PCDHA10: variants seen among roughly 807,000 people sequenced by gnomAD.
PCDHA10 encodes the protein protocadherin alpha-10.
A neutral mutation model predicts 61.2 loss-of-function variants in PCDHA10; 45 were observed. The observed-to-expected ratio is 0.74, with a 90% confidence interval of 0.58 to 0.94. PCDHA10 has a LOEUF of 0.94. PCDHA10 is among the 40% of genes least tolerant of loss of function. The probability of loss-of-function intolerance (pLI) is 0.00; values close to 1 mark genes in which losing one functional copy is unlikely to be tolerated. For missense variants in PCDHA10, 1,278 were observed against 1,236.2 expected (o/e 1.03, Z -0.51); for synonymous variants, 602 against 548.8 (o/e 1.10, Z -1.35).
At chr5:140,892,950 C>G (rs553307667) in intron 1 of PCDHA10, among the ~76,000 whole-genome samples, 21 of 152,188 alleles carry the variant, frequency 1.4e-4, no homozygotes, top group Non-Finnish European at 2.9e-4. Context: ...AATACTACTT[C>G]CATGAGCTCA....
At chr5:140,927,638 G>C (rs781909639) in intron 1 of PCDHA10, 1 of 1,614,024 alleles carries the variant, frequency 6.2e-7, no homozygotes, top group Admixed American at 1.7e-5. Flanking sequence ...GCACCCAATG[G>C]GACTGTGTTA....
chr5:140,869,144 T>A, intron 1 of PCDHA10: 1 of 1,613,654 alleles, frequency 6.2e-7, no homozygotes, highest in Non-Finnish European at 8.5e-7. Context: ...ACCCCACGAC[T>A]ACAGCTCTGG....
chr5:140,871,247 T>C (rs1340682715), intron 1 of PCDHA10: 1 of 1,613,990 alleles, frequency 6.2e-7, no homozygotes, highest in Non-Finnish European at 8.5e-7. Context: ...CTCACGCTGC[T>C]GCTGTATACG....
rs782644684 is a variant in PCDHA10 at position 140,870,861 on chromosome 5, G to C, written c.2388+12425G>C. The C allele has an allele frequency of 1.9e-6, 3 of 1,613,770 alleles. No individual in the cohort carries two copies. The African/African-American group carries it at 4.0e-5, about 22-fold the overall frequency. ...AGCTAGTACCGCGGTCGGTGGGTGC[G>C]GGCCACGTGGTGGCGAAGGTGCGCG... On this transcript the variant is annotated intron_variant, in intron 1 of 3. Coordinates refer to ENST00000307360, the MANE Select transcript of PCDHA10 (RefSeq NM_018901.4).
At position 140,915,045 on chromosome 5, in the gene PCDHA10, A is replaced by G. The variant is rs989835419; in HGVS notation, c.2388+56609A>G. 2.0e-5 allele frequency among the ~76,000 whole-genome samples: 3 copies of G among 151,216 alleles called. No homozygotes were observed. In the East Asian group the frequency reaches 5.8e-4, roughly 29 times the overall value. On this transcript the variant is annotated intron_variant, in intron 1 of 3. Transcript: ENST00000307360. ...ACTGCAACTTCTGCCTCCTGGGTTC[A>G]AGCGATTCTCCTGCCTTAGCCTACT...
chr5:141,001,058 A>G (rs1554257985), intron 3 of PCDHA10, among the ~76,000 whole-genome samples: 2 of 152,146 alleles, frequency 1.3e-5, no homozygotes, highest in African/African-American at 4.8e-5. Flanking sequence ...TAAATCATTT[A>G]AAATTAAATA....
chr5:140,901,695 T>G (rs1554189992), intron 1 of PCDHA10, among the ~76,000 whole-genome samples: 1 of 152,216 alleles, frequency 6.6e-6, no homozygotes, highest in Non-Finnish European at 1.5e-5. Context: ...TATTTTGTAG[T>G]TCTATATACA....
chr5:140,967,276 G>C, intron 1 of PCDHA10: 2 of 1,613,398 alleles, frequency 1.2e-6, no homozygotes. Context: ...TTCACATAGA[G>C]AGTGCGCAGG....
intron 1 of PCDHA10, chr5:140,875,350 T>G (rs1465566736): frequency 6.9e-7 from 1 of 1,444,966 alleles, no homozygotes; most frequent in African/African-American, 1.4e-5. Flanking sequence ...CCATAATGAC[T>G]GTGATGCTGG....
intron 2 of PCDHA10, among the ~76,000 whole-genome samples, chr5:140,981,379 G>C (rs1387904235): frequency 6.6e-6 from 1 of 152,152 alleles, no homozygotes; most frequent in Non-Finnish European, 1.5e-5. Context: ...TTCAAGACCA[G>C]CCTGGTCAAT....
chr5:140,910,346 G>C (rs2074987326), intron 1 of PCDHA10, among the ~76,000 whole-genome samples: 1 of 152,152 alleles, frequency 6.6e-6, no homozygotes, highest in Admixed American at 6.5e-5. Flanking sequence ...CTTTGCCTCT[G>C]CTGTCCATTA....
intron 1 of PCDHA10, chr5:140,869,033 T>C (rs1161601594): frequency 6.5e-7 from 1 of 1,527,194 alleles, no homozygotes; most frequent in East Asian, 2.3e-5. Flanking sequence ...AACGAGATTT[T>C]TAACCTGAAA....
chr5:141,009,955 A>G lies in PCDHA10; in HGVS notation c.*18A>G, dbSNP rs782282264. 6.3e-7 allele frequency: 1 copy of G among 1,592,418 alleles called. No individual in the cohort carries two copies. Among genetic ancestry groups the G allele is most frequent in the African/African-American group, 1.4e-5 (1 of 73,350 alleles). ...ACCAGTGAGGTCCTCAAATGGAAAC[A>G]AGCCACTTAGCCAGTTTTTGTAATA... On this transcript the variant is annotated 3_prime_UTR_variant, in exon 4 of 4. Transcript: ENST00000307360.
At chr5:140,964,262 A>C (rs1327933465) in intron 1 of PCDHA10, among the ~76,000 whole-genome samples, 1 of 152,206 alleles carries the variant, frequency 6.6e-6, no homozygotes, top group Non-Finnish European at 1.5e-5. Context: ...TTGACTCCTT[A>C]ATAATTAAGG....
At chr5:140,868,281 T>G (rs2050378347) in intron 1 of PCDHA10, 1 of 152,066 alleles carries the variant, frequency 6.6e-6, no homozygotes, top group Non-Finnish European at 1.5e-5. Flanking sequence ...AACTACCAAG[T>G]TTGAGAATAT....
At chr5:140,999,526 C>G (rs1429753507) in intron 3 of PCDHA10, among the ~76,000 whole-genome samples, 1 of 152,026 alleles carries the variant, frequency 6.6e-6, no homozygotes, top group Non-Finnish European at 1.5e-5. Context: ...TTTGTTACCC[C>G]CTGGATATGA....
intron 1 of PCDHA10, among the ~76,000 whole-genome samples, chr5:140,960,936 T>G (rs1198055000): frequency 6.6e-6 from 1 of 152,210 alleles, no homozygotes. Flanking sequence ...CTAAGTTTAG[T>G]GAATTAGAAA....
chr5:140,982,299 T>C, intron 2 of PCDHA10, 176 bp from the exon 3 acceptor site: 1 of 1,200,862 alleles, frequency 8.3e-7, no homozygotes, highest in South Asian at 1.7e-5. Flanking sequence ...AAGTCAGCAA[T>C]GCTTCTGCAG....
intron 1 of PCDHA10, chr5:140,866,292 A>T (rs1453745216): frequency 6.6e-6 from 1 of 152,182 alleles, no homozygotes; most frequent in East Asian, 1.9e-4. Flanking sequence ...TGGGACAAGT[A>T]TAGATGTTGA....
Sources: gnomAD v4.1 joint callset for allele counts (sites outside exome capture counted in the v4.1 genomes callset) on GRCh38, gnomAD v4.1.1 for gene constraint, MANE v1.5 for transcripts, NCBI Gene and HGNC (gene_info 2026-07-23, HGNC 2026-07-21) for gene names.